The following FADS3 variants were observed in gnomAD, a reference collection of about 807,000 sequenced individuals.
FADS3 encodes fatty acid desaturase 3, also known as cytochrome b5-related protein.
FADS3 carries 30 observed loss-of-function variants against 60.4 expected under a neutral mutation model. That is an observed-to-expected ratio of 0.50 (90% CI 0.37 to 0.67). The LOEUF (loss-of-function observed/expected upper bound fraction) is 0.67. Ranked by LOEUF, FADS3 falls within the 30% of genes least tolerant of loss-of-function variation. The pLI, the probability that FADS3 is intolerant of heterozygous loss-of-function variation, is 0.00. For synonymous variants in FADS3, 234 were observed against 249.3 expected (o/e 0.94, Z 0.58); for missense variants, 432 against 598.3 (o/e 0.72, Z 2.90).
Position 61,880,302 on chromosome 11 carries a change from A to G in FADS3, c.214-151T>C, listed in dbSNP as rs1938082629. 3 of 611,318 alleles carry G rather than the reference A, an allele frequency of 4.9e-6. No homozygotes were observed. In the East Asian group the frequency reaches 8.8e-5, roughly 18 times the overall value. The allele number at this position is 611,318 out of a possible 1,614,324, so 37.9% of individuals were successfully genotyped here. The stretch of plus-strand genomic sequence containing the variant: ...AGCCGGCTGATGAACAGTCAAAGAC[A>G]TGGGCCCTCCCTGGTCCTCCCAGGG... On this transcript the variant is annotated intron_variant, in intron 1 of 11. Coordinates refer to ENST00000278829, the MANE Select transcript of FADS3 (RefSeq NM_021727.5).
intron 1 of FADS3, among the ~76,000 whole-genome samples, chr11:61,886,672 G>C (rs545498424): frequency 6.6e-6 from 1 of 152,048 alleles, no homozygotes; most frequent in East Asian, 1.9e-4. Flanking sequence ...TCCTGAGAAG[G>C]TTCCATTACA....
intron 11 of FADS3, among the ~76,000 whole-genome samples, chr11:61,875,336 A>G (rs1200818156): frequency 1.3e-5 from 2 of 149,090 alleles, no homozygotes; most frequent in Non-Finnish European, 3.0e-5. Flanking sequence ...CCTCCCAAGT[A>G]GCTGGGATTA....
Position 61,876,531 on chromosome 11 carries a change from G to T in FADS3, c.984-76C>A. ...CCTGAGTGGAGGCTGGAGAGCAGCTGTCCCCAAGTGGCCTTGACTTCCTTA... is the reference window on the plus strand; with the variant it reads ...CCTGAGTGGAGGCTGGAGAGCAGCTTTCCCCAAGTGGCCTTGACTTCCTTA... On this transcript the variant is annotated intron_variant, in intron 8 of 11. Transcript: ENST00000278829. This position sits in a 1 kb window ranked among gnomAD's most constrained non-coding sequence, Gnocchi z 5.7. 1 of 1,198,808 alleles carries T rather than the reference G, an allele frequency of 8.3e-7. No homozygotes were observed. The highest frequency in any genetic ancestry group is 1.2e-6 in the Non-Finnish European group (1 of 806,986). The allele number at this position is 1,198,808 out of a possible 1,614,324, so 74.3% of individuals were successfully genotyped here.
intron 1 of FADS3, among the ~76,000 whole-genome samples, chr11:61,886,526 G>A (rs1938324506): frequency 6.6e-6 from 1 of 152,088 alleles, no homozygotes; most frequent in Non-Finnish European, 1.5e-5. Context: ...AGGGAGTGGA[G>A]TGGCTCTGGA....
Position 61,873,884 on chromosome 11 carries a change from AGTGGGG to A in FADS3, c.1287-25_1287-20del. On this transcript the variant is annotated intron_variant, in intron 11 of 11. Coordinates refer to ENST00000278829, the MANE Select transcript of FADS3 (RefSeq NM_021727.5). ...CAGGGACCTGGGAGGTGGGGGTGGCAGTGGGGGTGGGTGTTAGGAGCTCAGTTGCAA... is the reference window on the plus strand; with the variant it reads ...CAGGGACCTGGGAGGTGGGGGTGGCAGTGGGTGTTAGGAGCTCAGTTGCAA... The A allele has an allele frequency of 2.4e-6, 2 of 829,796 alleles. No homozygotes were observed. The highest frequency in any genetic ancestry group is 3.8e-6 in the Non-Finnish European group (2 of 527,126). The allele number at this position is 829,796 out of a possible 1,614,324, so 51.4% of individuals were successfully genotyped here.
intron 5 of FADS3, 102 bp downstream of exon 5, chr11:61,878,410 C>T: frequency 6.6e-7 from 1 of 1,516,168 alleles, no homozygotes; most frequent in Non-Finnish European, 9.0e-7. Flanking sequence ...AGAGTGGAGG[C>T]CAGATCAGGG....
At chr11:61,874,666 T>C (rs981379665) in intron 11 of FADS3, among the ~76,000 whole-genome samples, 1 of 152,130 alleles carries the variant, frequency 6.6e-6, no homozygotes, top group African/African-American at 2.4e-5. Flanking sequence ...GAGCTTGGCA[T>C]TCAGGGTCAA....
chr11:61,891,418 C>T lies in FADS3; in HGVS notation c.-37G>A. ...GAGTCCTGGGGATCCCAGGCGGTGG[C>T]CGAGGTCCGAGCAAGACCCCGAGGG... On this transcript the variant is annotated 5_prime_UTR_variant, in exon 1 of 12. Transcript: ENST00000278829. 3 of 1,371,126 alleles carry T rather than the reference C, an allele frequency of 2.2e-6. No individual in the cohort carries two copies. Among genetic ancestry groups the T allele is most frequent in the African/African-American group, 1.5e-5 (1 of 65,400 alleles). The allele number at this position is 1,371,126 out of a possible 1,614,324, so 84.9% of individuals were successfully genotyped here. A position where few individuals can be genotyped will look rare whatever the true frequency, so the allele number is the denominator to read the frequency against.
chr11:61,878,420 G>T, intron 5 of FADS3, 92 bp downstream of exon 5: 3 of 1,536,328 alleles, frequency 2.0e-6, no homozygotes, highest in Non-Finnish European at 1.8e-6. Flanking sequence ...CCAGATCAGG[G>T]GCTAGGTCAG....
rs142822324 is a variant in FADS3 at position 61,887,329 on chromosome 11, T to C, written c.213+3840A>G. 2.1e-3 allele frequency among the ~76,000 whole-genome samples: 327 copies of C among 152,260 alleles called. 1 individual carries two copies. Among genetic ancestry groups the C allele is most frequent in the African/African-American group, 7.6e-3 (315 of 41,552 alleles). On this transcript the variant is annotated intron_variant, in intron 1 of 11. Transcript: ENST00000278829. ...CTCTCTGCCCTGGCCACACTCTACCTCTTCTGAGTGGCCTCCCTTGGGGGA... is the reference window on the plus strand; with the variant it reads ...CTCTCTGCCCTGGCCACACTCTACCCCTTCTGAGTGGCCTCCCTTGGGGGA...
Position 61,891,441 on chromosome 11 carries a change from G to T in FADS3, c.-60C>A, listed in dbSNP as rs1157095413. The T allele has an allele frequency of 4.9e-6, 6 of 1,234,928 alleles. No individual in the cohort carries two copies. Among genetic ancestry groups the T allele is most frequent in the Middle Eastern group, 3.0e-4 (1 of 3,332 alleles). The allele number at this position is 1,234,928 out of a possible 1,614,324, so 76.5% of individuals were successfully genotyped here. A position where few individuals can be genotyped will look rare whatever the true frequency, so the allele number is the denominator to read the frequency against. ...GGCCGAGGTCCGAGCAAGACCCCGA[G>T]GGAAGCGAAGAGCGCTCCCGGGCGC... On this transcript the variant is annotated 5_prime_UTR_variant, in exon 1 of 12. Transcript: ENST00000278829.
At position 61,878,126 on chromosome 11, in the gene FADS3, C is replaced by T. The variant is rs370706499; in HGVS notation, c.808+29G>A. The T allele has an allele frequency of 6.8e-6, 11 of 1,607,502 alleles. No individual in the cohort carries two copies. The African/African-American group carries it at 1.2e-4, about 18-fold the overall frequency. ...GGACAGTGCAGGCCCAGGCACTCCC[C>T]CACCCCAGAAGGACAGATGGACACT... On this transcript the variant is annotated intron_variant, in intron 6 of 11. Coordinates refer to ENST00000278829, the MANE Select transcript of FADS3 (RefSeq NM_021727.5).
In FADS3 at chr11:61,877,577, C is replaced by T. The variant is rs146826857; in HGVS notation, c.819G>A (p.Pro273=). The T allele has an allele frequency of 5.0e-6, 8 of 1,613,454 alleles. No homozygotes were observed. The highest frequency in any genetic ancestry group is 2.2e-5 in the East Asian group (1 of 44,888). The change falls in exon 7 of 12, where the codon CCG becomes CCA. Residue 273 remains proline (P), a synonymous_variant. Coordinates refer to ENST00000278829, the MANE Select transcript of FADS3 (RefSeq NM_021727.5). The surrounding 1 kb of genome is among the most constrained non-coding windows in gnomAD (Gnocchi z 4.7). ...CTTCAAAGTTCACCAGGGTGAGCAG[C>T]GGCGGGCCGACTGCAAGAAGGGGCA... ...QHLYFFLIGP[P]LLTLVNFEVE...
chr11:61,885,439 C>A (rs1388319889), intron 1 of FADS3, among the ~76,000 whole-genome samples: 5 of 152,190 alleles, frequency 3.3e-5, no homozygotes, highest in South Asian at 2.1e-4. Flanking sequence ...TGGCGGTTGG[C>A]AAGAGCTCCA....
At chr11:61,878,441 G>A in intron 5 of FADS3, 71 bp downstream of exon 5, 2 of 1,575,608 alleles carry the variant, frequency 1.3e-6, no homozygotes, top group Non-Finnish European at 1.7e-6. Flanking sequence ...GGGCAGAGTG[G>A]GGACCCAGTG....
intron 11 of FADS3, 25 bp from the exon 12 acceptor site, chr11:61,873,890 G>A: frequency 6.5e-7 from 1 of 1,546,948 alleles, no homozygotes; most frequent in South Asian, 1.1e-5. Flanking sequence ...TGGCAGTGGG[G>A]GTGGGTGTTA....
chr11:61,889,469 G>C (rs1024849228), intron 1 of FADS3, among the ~76,000 whole-genome samples: 6 of 151,780 alleles, frequency 4.0e-5, no homozygotes, highest in Non-Finnish European at 7.4e-5. Flanking sequence ...GGCCAACATG[G>C]TGAAACCCCG....
rs1937926927 is a variant in FADS3 at position 61,877,161 on chromosome 11, G to C, written c.886-198C>G. ...CCTTGCCCTGCCAGCTCACGAGGCT[G>C]ATTTTAGTGACGAAGGTGTCATGCA... is the stretch of plus-strand genomic sequence containing the variant. On this transcript the variant is annotated intron_variant, in intron 7 of 11. Transcript: ENST00000278829. The surrounding 1 kb of genome is among the most constrained non-coding windows in gnomAD (Gnocchi z 4.7). The C allele has an allele frequency of 1.8e-6, 1 of 559,684 alleles. No individual in the cohort carries two copies. Among genetic ancestry groups the C allele is most frequent in the African/African-American group, 1.9e-5 (1 of 52,980 alleles). 34.7% of individuals were successfully genotyped at this position (559,684 alleles called of 1,614,324 possible).
intron 1 of FADS3, among the ~76,000 whole-genome samples, chr11:61,890,838 G>A (rs1009873642): frequency 2.6e-5 from 4 of 152,180 alleles, no homozygotes; most frequent in African/African-American, 7.2e-5. Flanking sequence ...CCCAGCATGG[G>A]GACCCAGAAC....
Sources: gnomAD v4.1 joint callset for allele counts (sites outside exome capture counted in the v4.1 genomes callset) on GRCh38, gnomAD v4.1.1 for gene constraint, Gnocchi (gnomAD v3.1) non-coding constraint, MANE v1.5 for transcripts, NCBI Gene and HGNC (gene_info 2026-07-23, HGNC 2026-07-21) for gene names.